The following CAB39L variants were observed in gnomAD, a reference collection of about 807,000 sequenced individuals.
The protein encoded by CAB39L is calcium binding protein 39 like, also known as calcium-binding protein 39-like.
A neutral mutation model predicts 39.1 loss-of-function variants in CAB39L; 23 were observed. The observed-to-expected ratio is 0.59, with a 90% CI of 0.42 to 0.83. The LOEUF (loss-of-function observed/expected upper bound fraction) is 0.83. CAB39L is among the 40% of genes least tolerant of loss of function. CAB39L has a pLI of 0.00. For missense variants in CAB39L, 366 were observed against 391.9 expected, an observed-to-expected ratio of 0.93 and a Z score of 0.56; for synonymous variants, 126 against 137.2, an observed-to-expected ratio of 0.92 and a Z score of 0.57.
intron 10 of CAB39L, among the ~76,000 whole-genome samples, chr13:49,326,913 G>A (rs1190568094): frequency 1.3e-5 from 2 of 152,096 alleles, no homozygotes; most frequent in African/African-American, 4.8e-5. Context: ...AGTTCTGTGG[G>A]AGCTGAATGA....
chr13:49,409,095 T>G (rs1288810001), intron 3 of CAB39L, among the ~76,000 whole-genome samples: 2 of 152,094 alleles, frequency 1.3e-5, no homozygotes, highest in Non-Finnish European at 2.9e-5. Flanking sequence ...CCTAAATTGC[T>G]AAAGACATAG....
intron 3 of CAB39L, among the ~76,000 whole-genome samples, chr13:49,408,330 A>T (rs923904128): frequency 1.3e-5 from 2 of 152,248 alleles, no homozygotes; most frequent in African/African-American, 4.8e-5. Context: ...TGAAATAGCC[A>T]GTTAGTTGAT....
chr13:49,347,855 C>A (rs1224927369), intron 7 of CAB39L, among the ~76,000 whole-genome samples: 1 of 151,968 alleles, frequency 6.6e-6, no homozygotes, highest in African/African-American at 2.4e-5. Context: ...TGTTCCCAAG[C>A]CCTTCCTCCT....
intron 3 of CAB39L, among the ~76,000 whole-genome samples, chr13:49,418,237 A>G (rs1444622911): frequency 6.6e-6 from 1 of 152,226 alleles, no homozygotes; most frequent in East Asian, 1.9e-4. Flanking sequence ...CTGATACATA[A>G]TACAATATGG....
intron 3 of CAB39L, among the ~76,000 whole-genome samples, chr13:49,423,555 C>T (rs1341131839): frequency 1.3e-5 from 2 of 149,094 alleles, no homozygotes; most frequent in African/African-American, 5.1e-5. Context: ...CCCATCCCTA[C>T]AAAAAATAAA....
intron 10 of CAB39L, among the ~76,000 whole-genome samples, chr13:49,313,297 C>T (rs936529745): frequency 1.6e-4 from 25 of 151,974 alleles, no homozygotes; most frequent in Admixed American, 9.2e-4. Flanking sequence ...CTGGCTAACA[C>T]GGTGAAATCC....
At chr13:49,441,526 C>T (rs1459521342) in intron 1 of CAB39L, among the ~76,000 whole-genome samples, 1 of 151,460 alleles carries the variant, frequency 6.6e-6, no homozygotes, top group Non-Finnish European at 1.5e-5. Context: ...GTGATCATGC[C>T]ACTGTATTCC....
chr13:49,339,240 C>T lies in CAB39L; in HGVS notation c.690+437G>A, dbSNP rs576747159. Among the ~76,000 whole-genome samples, 42 of 150,694 alleles carry T rather than the reference C, an allele frequency of 2.8e-4. 1 individual carries two copies. Among genetic ancestry groups the T allele is most frequent in the Non-Finnish European group, 5.0e-4 (34 of 67,774 alleles). ...CCACCTCCCAGGTTCAAGCGATTCT[C>T]CTGCCTCAGCCTCCCGAGTAGCTGA... On this transcript the variant is annotated intron_variant, in intron 9 of 10. Coordinates refer to ENST00000409308, the MANE Select transcript of CAB39L (RefSeq NM_001079670.3).
intron 10 of CAB39L, among the ~76,000 whole-genome samples, chr13:49,324,956 G>C (rs1954455026): frequency 6.6e-6 from 1 of 152,102 alleles, no homozygotes; most frequent in Non-Finnish European, 1.5e-5. Context: ...TTAAGTATAG[G>C]CTGCATTTTC....
chr13:49,422,080 A>G (rs1037077949), intron 3 of CAB39L, among the ~76,000 whole-genome samples: 3 of 152,190 alleles, frequency 2.0e-5, no homozygotes, highest in Admixed American at 1.3e-4. Flanking sequence ...AAAAGATGTC[A>G]ACACTGAGAT....
intron 7 of CAB39L, among the ~76,000 whole-genome samples, chr13:49,347,227 G>A (rs996509329): frequency 6.6e-6 from 1 of 152,050 alleles, no homozygotes; most frequent in African/African-American, 2.4e-5. Flanking sequence ...AGATTTTAAA[G>A]GATTGACTTA....
intron 9 of CAB39L, among the ~76,000 whole-genome samples, chr13:49,336,875 G>A (rs1954863456): frequency 6.6e-6 from 1 of 152,234 alleles, no homozygotes; most frequent in South Asian, 2.1e-4. Context: ...CTGGACATGG[G>A]AGAACACAGC....
intron 10 of CAB39L, among the ~76,000 whole-genome samples, chr13:49,317,279 C>T (rs1487133755): frequency 6.6e-6 from 1 of 152,154 alleles, no homozygotes; most frequent in African/African-American, 2.4e-5. Flanking sequence ...CCTCTAAACC[C>T]AGCACTTTGG....
chr13:49,386,632 TATC>T (rs1440549236), intron 3 of CAB39L, among the ~76,000 whole-genome samples: 1 of 152,184 alleles, frequency 6.6e-6, no homozygotes, highest in Non-Finnish European at 1.5e-5. Flanking sequence ...AATTTCATCT[TATC>T]ATTATTCTTC....
At chr13:49,363,090 G>T (rs1195447683) in intron 5 of CAB39L, among the ~76,000 whole-genome samples, 2 of 152,172 alleles carry the variant, frequency 1.3e-5, no homozygotes, top group Non-Finnish European at 1.5e-5. Flanking sequence ...TACAAGAAAT[G>T]CTAAGGGTAG....
chr13:49,370,262 T>A (rs1955883400), intron 5 of CAB39L, among the ~76,000 whole-genome samples: 1 of 152,174 alleles, frequency 6.6e-6, no homozygotes, highest in African/African-American at 2.4e-5. Flanking sequence ...CTCAAAAAAA[T>A]TTAAATATAT....
intron 3 of CAB39L, among the ~76,000 whole-genome samples, chr13:49,412,008 T>C (rs545604899): frequency 6.6e-6 from 1 of 152,160 alleles, no homozygotes; most frequent in East Asian, 1.9e-4. Flanking sequence ...CTTCCCTGTA[T>C]GTAAACTCCC....
intron 1 of CAB39L, among the ~76,000 whole-genome samples, chr13:49,440,723 TG>T (rs1957500500): frequency 1.8e-5 from 2 of 108,956 alleles, no homozygotes; most frequent in African/African-American, 1.3e-4. Context: ...GCAGTGTGTG[TG>T]TGTGTGTGTG....
chr13:49,325,296 G>A (rs908335802), intron 10 of CAB39L, among the ~76,000 whole-genome samples: 5 of 152,166 alleles, frequency 3.3e-5, no homozygotes, highest in Non-Finnish European at 4.4e-5. Flanking sequence ...CTGAATGTTC[G>A]ACACCATTTA....
Sources: gnomAD v4.1 joint callset for allele counts (sites outside exome capture counted in the v4.1 genomes callset) on GRCh38, gnomAD v4.1.1 for gene constraint, MANE v1.5 for transcripts, NCBI Gene and HGNC (gene_info 2026-07-23, HGNC 2026-07-21) for gene names.